The following LRRC39 variants were observed in gnomAD, a reference collection of about 807,000 sequenced individuals.
LRRC39 encodes the protein leucine-rich repeat-containing protein 39.
A neutral mutation model predicts 39.7 loss-of-function variants in LRRC39; 35 were observed. That is an observed-to-expected ratio of 0.88 (90% CI 0.67 to 1.17). LRRC39 has a LOEUF of 1.17. Among genes scored for constraint, LRRC39 ranks in the 50% most tolerant of loss-of-function variants. The pLI is 0.00. For synonymous variants in LRRC39, 113 were observed against 134.1 expected (o/e 0.84, Z 1.09); for missense variants, 357 against 385.8 (o/e 0.93, Z 0.62).
chr1:100,170,265 A>G (rs1220096521), intron 2 of LRRC39, among the ~76,000 whole-genome samples: 1 of 152,262 alleles, frequency 6.6e-6, no homozygotes, highest in Non-Finnish European at 1.5e-5. Context: ...ATGAATGGAT[A>G]AACAAGATGT....
chr1:100,177,453 T>C (rs375399185), intron 1 of LRRC39, among the ~76,000 whole-genome samples: 1 of 152,188 alleles, frequency 6.6e-6, no homozygotes, highest in African/African-American at 2.4e-5. Flanking sequence ...GGCAGGAAAT[T>C]GTTGAGAGAA....
chr1:100,149,212 G>T, intron 9 of LRRC39, 115 bp from the exon 10 acceptor site: 1 of 1,491,164 alleles, frequency 6.7e-7, no homozygotes, highest in Non-Finnish European at 8.9e-7. Context: ...AGTTCAAGAG[G>T]TAGTGATTGA....
At chr1:100,163,090 A>G (rs55935426) in intron 3 of LRRC39, among the ~76,000 whole-genome samples, 5,101 of 152,310 alleles carry the variant, frequency 0.033, 310 homozygotes, top group African/African-American at 0.12. Context: ...CTTCTGATCT[A>G]AACAGCTAAG....
chr1:100,152,337 T>C, intron 9 of LRRC39, 48 bp downstream of exon 9: 1 of 1,580,142 alleles, frequency 6.3e-7, no homozygotes, highest in Non-Finnish European at 8.6e-7. Context: ...GATACACACA[T>C]TACTCTACCA....
In LRRC39 at chr1:100,168,343, T is replaced by C. The variant is rs533008323; in HGVS notation, c.113+61A>G. 2.2e-5 allele frequency: 28 copies of C among 1,253,124 alleles called. No individual in the cohort carries two copies. In the African/African-American group the frequency reaches 3.5e-4, roughly 16 times the overall value. 77.6% of individuals were successfully genotyped at this position (1,253,124 alleles called of 1,614,324 possible). ...TAACAAGGCATTTAGAATGCTCTTT[T>C]TTATGGTGATGATAATATGAATTTT... On this transcript the variant is annotated intron_variant, in intron 3 of 9. Coordinates refer to ENST00000370137, the MANE Select transcript of LRRC39 (RefSeq NM_144620.4).
At chr1:100,171,098 A>G (rs1389096851) in intron 2 of LRRC39, among the ~76,000 whole-genome samples, 3 of 152,242 alleles carry the variant, frequency 2.0e-5, no homozygotes, top group African/African-American at 7.2e-5. Flanking sequence ...AAATATACAA[A>G]GGAAAATTGA....
At chr1:100,164,515 A>T (rs1659106756) in intron 3 of LRRC39, among the ~76,000 whole-genome samples, 1 of 152,260 alleles carries the variant, frequency 6.6e-6, no homozygotes, top group South Asian at 2.1e-4. Context: ...TTTGAGAAAC[A>T]CTGGTCTATT....
Position 100,152,544 on chromosome 1 carries a change from CA to C in LRRC39, c.813-21del, listed in dbSNP as rs1557921826. 1 of 1,611,316 alleles carries C rather than the reference CA, an allele frequency of 6.2e-7. No individual in the cohort carries two copies. Among genetic ancestry groups the C allele is most frequent in the East Asian group, 2.2e-5 (1 of 44,828 alleles). ...ACAAACCTAGAAGTTCATCAAAAAA[CA>C]GTATTTTTATAGGTGTCATGGAAGT... On this transcript the variant is annotated intron_variant, in intron 8 of 9. Transcript: ENST00000370137.
intron 3 of LRRC39, among the ~76,000 whole-genome samples, 198 bp from the exon 4 acceptor site, chr1:100,160,769 C>T (rs967082591): frequency 6.6e-6 from 1 of 151,840 alleles, no homozygotes; most frequent in Non-Finnish European, 1.5e-5. Flanking sequence ...GGATTACAGG[C>T]GTCCACCACC....
chr1:100,166,643 G>C (rs909242347), intron 3 of LRRC39, among the ~76,000 whole-genome samples: 8 of 152,276 alleles, frequency 5.3e-5, no homozygotes, highest in Admixed American at 3.3e-4. Flanking sequence ...GAGGTGACTT[G>C]GGTGCTGTTA....
chr1:100,153,217 A>G (rs1658186832), intron 8 of LRRC39, among the ~76,000 whole-genome samples: 1 of 152,202 alleles, frequency 6.6e-6, no homozygotes, highest in African/African-American at 2.4e-5. Context: ...TTATTTTGTT[A>G]TCGAAGTTTT....
intron 1 of LRRC39, among the ~76,000 whole-genome samples, chr1:100,176,766 C>T (rs1017967951): frequency 6.6e-6 from 1 of 152,104 alleles, no homozygotes; most frequent in Non-Finnish European, 1.5e-5. Context: ...ACAGAAATTA[C>T]ATAGTAAAGT....
chr1:100,149,652 A>T, intron 9 of LRRC39: 1 of 381,228 alleles, frequency 2.6e-6, no homozygotes, highest in East Asian at 5.5e-5. Context: ...ATTTGGAATA[A>T]AATAGAAATT....
chr1:100,172,042 T>G (rs1306755681), intron 2 of LRRC39, among the ~76,000 whole-genome samples: 1 of 152,032 alleles, frequency 6.6e-6, no homozygotes, highest in African/African-American at 2.4e-5. Flanking sequence ...AAAGGGAATA[T>G]TATAGATAAA....
intron 8 of LRRC39, among the ~76,000 whole-genome samples, chr1:100,153,718 AG>A (rs1484086058): frequency 9.9e-5 from 15 of 152,268 alleles, no homozygotes; most frequent in African/African-American, 3.4e-4. Context: ...GAGTTTTGAT[AG>A]TACTTAGTAA....
chr1:100,174,795 A>T (rs1659850113), intron 1 of LRRC39, among the ~76,000 whole-genome samples: 1 of 152,240 alleles, frequency 6.6e-6, no homozygotes, highest in African/African-American at 2.4e-5. Context: ...ATATCCATAA[A>T]GGAAAAGATA....
chr1:100,171,642 AC>A (rs748208009), intron 2 of LRRC39, among the ~76,000 whole-genome samples: 4 of 151,038 alleles, frequency 2.6e-5, no homozygotes, highest in African/African-American at 7.3e-5. Context: ...AGCTGGGACT[AC>A]AGATGTGTAC....
At position 100,156,153 on chromosome 1, in the gene LRRC39, A is replaced by G. The variant is rs772526100; in HGVS notation, c.659+19T>C. The stretch of plus-strand genomic sequence containing the variant: ...GTTTCAAGACTTTTATCATTAGCAT[A>G]AAGAGTTATTTCTTTTACCTTTCTA... On this transcript the variant is annotated intron_variant, in intron 7 of 9. Coordinates refer to ENST00000370137, the MANE Select transcript of LRRC39 (RefSeq NM_144620.4). The G allele has an allele frequency of 6.2e-7, 1 of 1,602,944 alleles. No homozygotes were observed. The highest frequency in any genetic ancestry group is 1.7e-5 in the Admixed American group (1 of 58,044).
intron 3 of LRRC39, among the ~76,000 whole-genome samples, chr1:100,166,573 C>T (rs1002715434): frequency 6.6e-6 from 1 of 152,108 alleles, no homozygotes; most frequent in African/African-American, 2.4e-5. Flanking sequence ...GAACGTTGAA[C>T]TTGAAGAAGA....
Sources: allele counts gnomAD v4.1 joint callset (sites outside exome capture counted in the v4.1 genomes callset), GRCh38; gene constraint gnomAD v4.1.1; transcripts MANE v1.5; gene names NCBI Gene and HGNC (gene_info 2026-07-23, HGNC 2026-07-21).